The following THSD7B variants were observed in gnomAD, a reference collection of about 807,000 sequenced individuals.
THSD7B encodes thrombospondin type-1 domain-containing protein 7B.
Under a neutral mutation model 213.6 loss-of-function variants are expected in THSD7B, and 138 were observed. The ratio of observed to expected loss-of-function variants is 0.65; its 90% CI spans 0.56 to 0.74. THSD7B has a LOEUF of 0.74. Among genes scored for constraint, THSD7B ranks in the 30% least tolerant of loss-of-function variants. The pLI is 0.00. For missense variants in THSD7B, 1,931 were observed against 1,991.5 expected (o/e 0.97, Z 0.58); for synonymous variants, 742 against 687.0 (o/e 1.08, Z -1.25).
intron 1 of THSD7B, among the ~76,000 whole-genome samples, chr2:136,832,907 T>A (rs1413903301): frequency 6.6e-6 from 1 of 152,208 alleles, no homozygotes; most frequent in Non-Finnish European, 1.5e-5. Flanking sequence ...TTATACTTTA[T>A]CTCACTCTTA....
At chr2:137,558,602 A>G (rs533108453) in intron 15 of THSD7B, among the ~76,000 whole-genome samples, 1 of 152,358 alleles carries the variant, frequency 6.6e-6, no homozygotes, top group African/African-American at 2.4e-5. Flanking sequence ...GTCACAGCCA[A>G]TATCATACTG....
intron 3 of THSD7B, among the ~76,000 whole-genome samples, chr2:137,058,834 C>G (rs1423239097): frequency 6.6e-6 from 1 of 152,084 alleles, no homozygotes; most frequent in Non-Finnish European, 1.5e-5. Context: ...GTGAAGTCAG[C>G]AGTCTGCAAG....
intron 15 of THSD7B, among the ~76,000 whole-genome samples, chr2:137,494,168 A>G (rs13406281): frequency 0.062 from 9,379 of 152,240 alleles, 418 homozygotes; most frequent in South Asian, 0.16. Flanking sequence ...ATAGCTTACA[A>G]TTTATTAGTC....
intron 10 of THSD7B, 76 bp from the exon 11 acceptor site, chr2:137,272,457 T>C: frequency 7.0e-7 from 1 of 1,431,496 alleles, no homozygotes; most frequent in South Asian, 1.5e-5. Context: ...CTCTCTTTTT[T>C]TTCAATTGCT....
intron 12 of THSD7B, among the ~76,000 whole-genome samples, chr2:137,355,129 C>G (rs901492302): frequency 1.3e-5 from 2 of 152,088 alleles, no homozygotes; most frequent in African/African-American, 4.8e-5. Flanking sequence ...AATATCAGAT[C>G]TCAAATATTT....
At chr2:137,366,716 GT>G (rs201433458) in intron 12 of THSD7B, among the ~76,000 whole-genome samples, 1,634 of 151,516 alleles carry the variant, frequency 0.011, 39 homozygotes, top group African/African-American at 0.038. Context: ...AAAGATAAAC[GT>G]TTTTGATATT....
chr2:136,849,700 C>A (rs1003398631), intron 1 of THSD7B, among the ~76,000 whole-genome samples: 1 of 152,090 alleles, frequency 6.6e-6, no homozygotes, highest in African/African-American at 2.4e-5. Context: ...CCTGGGAGGG[C>A]TAATGCACTC....
At chr2:137,070,159 T>C (rs564168023) in intron 3 of THSD7B, among the ~76,000 whole-genome samples, 10 of 152,102 alleles carry the variant, frequency 6.6e-5, no homozygotes, top group Admixed American at 6.6e-4. Flanking sequence ...TTTGTGCTTG[T>C]TTGTATCTTT....
chr2:137,586,541 A>T (rs1010055797), intron 17 of THSD7B, among the ~76,000 whole-genome samples: 3 of 152,148 alleles, frequency 2.0e-5, no homozygotes, highest in Non-Finnish European at 4.4e-5. Context: ...GTGGTGACAT[A>T]ATCTCTCAGC....
intron 7 of THSD7B, among the ~76,000 whole-genome samples, chr2:137,195,787 G>C (rs113554200): frequency 0.012 from 1,777 of 152,174 alleles, 25 homozygotes; most frequent in African/African-American, 0.041. Flanking sequence ...ATTAAGTCAG[G>C]CAAGAATCAT....
At chr2:136,999,331 G>A (rs1220298519) in intron 2 of THSD7B, among the ~76,000 whole-genome samples, 1 of 152,108 alleles carries the variant, frequency 6.6e-6, no homozygotes, top group Admixed American at 6.5e-5. Flanking sequence ...TCTAACCTTT[G>A]CTAGATCATG....
intron 14 of THSD7B, among the ~76,000 whole-genome samples, chr2:137,415,107 A>G (rs1686764098): frequency 6.6e-6 from 1 of 151,724 alleles, no homozygotes; most frequent in African/African-American, 2.4e-5. Flanking sequence ...CAGGATAATG[A>G]CCTAAATCTG....
intron 25 of THSD7B, among the ~76,000 whole-genome samples, chr2:137,662,560 A>G (rs1268258639): frequency 6.6e-6 from 1 of 152,000 alleles, no homozygotes; most frequent in Non-Finnish European, 1.5e-5. Flanking sequence ...TCTAACATTT[A>G]GTGGTCAATG....
At chr2:137,568,576 G>A (rs1417350387) in intron 16 of THSD7B, among the ~76,000 whole-genome samples, 1 of 152,152 alleles carries the variant, frequency 6.6e-6, no homozygotes, top group African/African-American at 2.4e-5. Flanking sequence ...TGGCTGGGGA[G>A]GCCTCAGGAA....
chr2:137,659,920 G>A (rs1683311753), intron 25 of THSD7B, among the ~76,000 whole-genome samples, 174 bp downstream of exon 25: 1 of 152,196 alleles, frequency 6.6e-6, no homozygotes, highest in Non-Finnish European at 1.5e-5. Context: ...TCAGGACCAT[G>A]TATTAACAGT....
At chr2:137,348,988 T>C (rs1033890415) in intron 12 of THSD7B, among the ~76,000 whole-genome samples, 4 of 151,672 alleles carry the variant, frequency 2.6e-5, no homozygotes, top group African/African-American at 9.7e-5. Flanking sequence ...TTTCTGGCCA[T>C]CTAAAATGTT....
intron 15 of THSD7B, among the ~76,000 whole-genome samples, chr2:137,459,631 C>T (rs962190172): frequency 1.3e-5 from 2 of 151,790 alleles, no homozygotes; most frequent in Non-Finnish European, 2.9e-5. Context: ...CACCACTGCA[C>T]TCCAACTTGG....
intron 4 of THSD7B, among the ~76,000 whole-genome samples, chr2:137,109,404 T>A (rs1204949457): frequency 6.6e-6 from 1 of 152,212 alleles, no homozygotes; most frequent in Non-Finnish European, 1.5e-5. Context: ...GGGGATGGTT[T>A]CAGGATGATT....
Position 137,667,790 on chromosome 2 carries a change from T to G in THSD7B, c.4668T>G (p.Ile1556Met), listed in dbSNP as rs778256545. 3 of 1,605,774 alleles carry G rather than the reference T, an allele frequency of 1.9e-6. No individual in the cohort carries two copies. The South Asian group carries it at 3.4e-5, about 18-fold the overall frequency. The change falls in exon 27 of 28, where the codon ATT (isoleucine) becomes ATG (methionine). Residue 1556 changes from isoleucine (I) to methionine (M), a missense_variant. Physicochemically the swap from Ile to Met is conservative, Grantham distance 10. Coordinates refer to ENST00000409968, the MANE Select transcript of THSD7B (RefSeq NM_001316349.2). Reference sequence around the variant, plus strand: ...TTTAAACAGATGGCCGAGTAAAAATTTGGGTTTATGGCGTTTCAGGTGGCG... The same window carrying G: ...TTTAAACAGATGGCCGAGTAAAAATGTGGGTTTATGGCGTTTCAGGTGGCG... ...QPLDPDGRVKIWVYGVSGGAF... is the reference protein window; with the variant it reads ...QPLDPDGRVKMWVYGVSGGAF...
Sources: gnomAD v4.1 joint callset for allele counts (sites outside exome capture counted in the v4.1 genomes callset) on GRCh38, gnomAD v4.1.1 for gene constraint, MANE v1.5 for transcripts, NCBI Gene and HGNC (gene_info 2026-07-23, HGNC 2026-07-21) for gene names.